CNBD1: variants seen among roughly 807,000 people sequenced by gnomAD.
The protein encoded by CNBD1 is cyclic nucleotide-binding domain-containing protein 1.
Under a neutral mutation model 54.4 loss-of-function variants are expected in CNBD1, and 71 were observed. The ratio of observed to expected loss-of-function variants is 1.30; its 90% CI spans 1.08 to 1.59. The LOEUF (loss-of-function observed/expected upper bound fraction) is 1.59, where lower values mean the gene tolerates loss of function less well. Among genes scored for constraint, CNBD1 ranks in the 40% most tolerant of loss-of-function variants. The pLI is 0.00. For synonymous variants in CNBD1, 182 were observed against 170.7 expected, an observed-to-expected ratio of 1.07 and a Z score of -0.51; for missense variants, 659 against 518.0, an observed-to-expected ratio of 1.27 and a Z score of -2.64.
intron 6 of CNBD1, among the ~76,000 whole-genome samples, chr8:87,281,603 A>G (rs75727301): frequency 1.9e-5 from 2 of 103,954 alleles, no homozygotes; most frequent in Admixed American, 1.2e-4. Context: ...TATATATATA[A>G]CTAATTTTTA....
intron 2 of CNBD1, among the ~76,000 whole-genome samples, chr8:87,404,131 G>A (rs959895879): frequency 6.6e-6 from 1 of 152,042 alleles, no homozygotes; most frequent in Non-Finnish European, 1.5e-5. Flanking sequence ...GAAGGAGACA[G>A]CAGGGGAGAA....
In CNBD1 at chr8:87,325,389, T is replaced by C. The variant is rs1403679247; in HGVS notation, c.1043-26296T>C. Reference sequence around the variant, plus strand: ...CTTTCTGTCTCGTTGATCTGTCTAATGTTGACAGTGGGGTGTTAAAGTCTC... The same window carrying C: ...CTTTCTGTCTCGTTGATCTGTCTAACGTTGACAGTGGGGTGTTAAAGTCTC... On this transcript the variant is annotated intron_variant, in intron 8 of 10. Coordinates refer to ENST00000518476, the MANE Select transcript of CNBD1 (RefSeq NM_173538.3). 5.6e-5 allele frequency among the ~76,000 whole-genome samples: 5 copies of C among 89,500 alleles called. No individual in the cohort carries two copies. The South Asian group carries it at 8.7e-4, about 16-fold the overall frequency. 58.7% of individuals were successfully genotyped at this position (89,500 alleles called of 152,430 possible).
chr8:86,874,991 TATATA>T (rs1808494262), intron 1 of CNBD1, among the ~76,000 whole-genome samples: 1 of 21,958 alleles, frequency 4.6e-5, no homozygotes, highest in African/African-American at 1.3e-4. Flanking sequence ...TCAATTTATA[TATATA>T]TATATATATA....
chr8:87,404,558 C>A (rs1469771946), intron 2 of CNBD1, among the ~76,000 whole-genome samples: 3 of 152,058 alleles, frequency 2.0e-5, no homozygotes, highest in South Asian at 2.1e-4. Flanking sequence ...ATTAATACAA[C>A]TCACGCTGGT....
chr8:86,886,012 G>A (rs2125253), intron 1 of CNBD1, among the ~76,000 whole-genome samples: 72,765 of 151,958 alleles, frequency 0.48, 17,630 homozygotes, highest in East Asian at 0.55. Context: ...TTAAATGAAG[G>A]ATAAAGAATA....
At chr8:87,020,641 A>T (rs543245493) in intron 4 of CNBD1, among the ~76,000 whole-genome samples, 11 of 151,550 alleles carry the variant, frequency 7.3e-5, no homozygotes, top group Non-Finnish European at 1.5e-4. Flanking sequence ...TTACTTTTCA[A>T]TCTAACTCTG....
intron 8 of CNBD1, among the ~76,000 whole-genome samples, chr8:87,299,664 A>C (rs1808946384): frequency 6.6e-6 from 1 of 152,238 alleles, no homozygotes; most frequent in Admixed American, 6.5e-5. Flanking sequence ...CTGAAAACTC[A>C]GTCCAAATAC....
intron 6 of CNBD1, among the ~76,000 whole-genome samples, chr8:87,257,096 A>C (rs1808039152): frequency 6.6e-6 from 1 of 152,116 alleles, no homozygotes; most frequent in Admixed American, 6.6e-5. Context: ...TGGGCTGGGC[A>C]TGGTGGCTCA....
Position 87,063,624 on chromosome 8 carries a change from A to C in CNBD1, c.431+123870A>C, listed in dbSNP as rs1336316416. Among the ~76,000 whole-genome samples the C allele has an allele frequency of 2.6e-5, 4 of 152,056 alleles. 1 individual carries two copies. Among genetic ancestry groups the C allele is most frequent in the Admixed American group, 2.6e-4 (4 of 15,258 alleles). On this transcript the variant is annotated intron_variant, in intron 4 of 10. Coordinates refer to ENST00000518476, the MANE Select transcript of CNBD1 (RefSeq NM_173538.3). ...TCTGGACCCTCGAATCACTATATAA[A>C]GGTTAGAATAAGATGATTTTGAGGG...
chr8:86,958,396 G>T (rs1454609836), intron 4 of CNBD1, among the ~76,000 whole-genome samples: 1 of 152,164 alleles, frequency 6.6e-6, no homozygotes, highest in Non-Finnish European at 1.5e-5. Flanking sequence ...TTAACTTCCT[G>T]TCTTGTTGTC....
chr8:87,052,354 GAGAT>G lies in CNBD1; in HGVS notation c.431+112601_431+112604del, dbSNP rs1404387790. On this transcript the variant is annotated intron_variant, in intron 4 of 10. Coordinates refer to ENST00000518476, the MANE Select transcript of CNBD1 (RefSeq NM_173538.3). ...CCCCTCAATTGAATCAGGAGATAGA[GAGAT>G]CTGTTTCAGTAAAGCTTCCCTCAGA... Among the ~76,000 whole-genome samples the G allele has an allele frequency of 6.6e-5, 10 of 152,306 alleles. No homozygotes were observed. In the Middle Eastern group the frequency reaches 0.014, roughly 207 times the overall value.
At chr8:87,210,242 G>A (rs531974765) in intron 5 of CNBD1, among the ~76,000 whole-genome samples, 1 of 152,234 alleles carries the variant, frequency 6.6e-6, no homozygotes, top group African/African-American at 2.4e-5. Context: ...ACTTAAAGTT[G>A]GAAGTTCTCT....
At chr8:87,263,735 T>A (rs1808191033) in intron 6 of CNBD1, among the ~76,000 whole-genome samples, 1 of 152,084 alleles carries the variant, frequency 6.6e-6, no homozygotes, top group Admixed American at 6.6e-5. Flanking sequence ...GCTTAATGGA[T>A]AACATATTTT....
At chr8:87,419,827 C>G (rs1302619647) in intron 2 of CNBD1, among the ~76,000 whole-genome samples, 2 of 151,602 alleles carry the variant, frequency 1.3e-5, no homozygotes, top group Non-Finnish European at 2.9e-5. Context: ...ACAAACCCTT[C>G]TAAAGGACAA....
At chr8:87,406,744 C>T (rs1035726952) in intron 2 of CNBD1, among the ~76,000 whole-genome samples, 1 of 152,174 alleles carries the variant, frequency 6.6e-6, no homozygotes, top group East Asian at 1.9e-4. Context: ...TCCCAAAATG[C>T]TGGGATTACA....
At chr8:87,059,229 A>T (rs753619032) in intron 4 of CNBD1, among the ~76,000 whole-genome samples, 1 of 152,290 alleles carries the variant, frequency 6.6e-6, no homozygotes, top group Admixed American at 6.5e-5. Flanking sequence ...GGACATTCCA[A>T]ACTTCCCCAC....
chr8:87,387,440 G>C (rs1028078829), downstream of CNBD1, among the ~76,000 whole-genome samples: 1 of 152,010 alleles, frequency 6.6e-6, no homozygotes, highest in Non-Finnish European at 1.5e-5. Context: ...AACAAAAAAA[G>C]GCAGGGGTTG....
At chr8:87,098,755 G>A (rs1271377938) in intron 4 of CNBD1, among the ~76,000 whole-genome samples, 1 of 150,114 alleles carries the variant, frequency 6.7e-6, no homozygotes, top group African/African-American at 2.4e-5. Flanking sequence ...AAAAACTCCT[G>A]GGCCAGGCGC....
At chr8:87,187,272 A>G (rs1813500372) in intron 4 of CNBD1, among the ~76,000 whole-genome samples, 1 of 151,992 alleles carries the variant, frequency 6.6e-6, no homozygotes, top group Non-Finnish European at 1.5e-5. Flanking sequence ...TTATTCCTAT[A>G]TCTATCTACC....
Sources: gnomAD v4.1 joint callset for allele counts (sites outside exome capture counted in the v4.1 genomes callset) on GRCh38, gnomAD v4.1.1 for gene constraint, MANE v1.5 for transcripts, NCBI Gene and HGNC (gene_info 2026-07-23, HGNC 2026-07-21) for gene names.